Variants in PPP2R2C observed in about 807,000 individuals in gnomAD.
PPP2R2C encodes protein phosphatase 2, regulatory subunit B, gamma.
Under a neutral mutation model 45.3 loss-of-function variants are expected in PPP2R2C, and 10 were observed. The ratio of observed to expected loss-of-function variants is 0.22; its 90% confidence interval spans 0.14 to 0.37. The LOEUF is 0.37. PPP2R2C is among the 10% of genes least tolerant of loss of function. PPP2R2C has a pLI of 1.00. For missense variants in PPP2R2C, 308 were observed against 619.7 expected (o/e 0.50, Z 5.34); for synonymous variants, 257 against 245.4 (o/e 1.05, Z -0.44).
rs187965056 is a variant in PPP2R2C at position 6,542,574 on chromosome 4, G to A, written c.-58-7197C>T. Among the ~76,000 whole-genome samples the A allele has an allele frequency of 8.1e-3, 1,227 of 151,894 alleles. 12 individuals carry two copies. The highest frequency in any genetic ancestry group is 0.013 in the Non-Finnish European group (868 of 67,940). ...GCCAGGCATGGTGGCATGGTGGCAG[G>A]CACCTGTAATCCCAGATACTAGGGA... On this transcript the variant is annotated intron_variant, in intron 1 of 9. Transcript: ENST00000506140.
At chr4:6,475,488 C>A (rs544768125), upstream of PPP2R2C, among the ~76,000 whole-genome samples, 1 of 152,306 alleles carries the variant, frequency 6.6e-6, no homozygotes, top group South Asian at 2.1e-4. Context: ...TCACTCACTG[C>A]CGTGCCCTCC....
At chr4:6,448,038 G>A (rs1412414028) in intron 1 of PPP2R2C, among the ~76,000 whole-genome samples, 1 of 152,112 alleles carries the variant, frequency 6.6e-6, no homozygotes, top group East Asian at 1.9e-4. Context: ...CACCCCCGTG[G>A]GAGCCGCACT....
chr4:6,391,069 G>A (rs1205259229), intron 1 of PPP2R2C, among the ~76,000 whole-genome samples: 2 of 152,140 alleles, frequency 1.3e-5, no homozygotes, highest in Non-Finnish European at 2.9e-5. Context: ...TGAAGGGGCT[G>A]GTGGGAGTAT....
intron 1 of PPP2R2C, among the ~76,000 whole-genome samples, chr4:6,408,139 AGGATGCTGGAAATTATT>A (rs1418467609): frequency 6.6e-6 from 1 of 152,194 alleles, no homozygotes; most frequent in Admixed American, 6.5e-5. Flanking sequence ...ACTAACTTAG[AGGATGCTGGAAATTATT>A]GGGAATTTAA....
intron 1 of PPP2R2C, among the ~76,000 whole-genome samples, chr4:6,433,351 A>C (rs1445528905): frequency 2.6e-5 from 4 of 152,164 alleles, no homozygotes; most frequent in African/African-American, 4.8e-5. Context: ...TTGCTTTCAT[A>C]TCCATTTCCA....
At position 6,352,238 on chromosome 4, in the gene PPP2R2C, C is replaced by G. The variant is rs1003250157; in HGVS notation, c.626-4228G>C. ...GTCTGGTCTTGGCTGTCACTCGGGG[C>G]CCCCGGCTGGGCGTCTGGTCTTGGC... On this transcript the variant is annotated intron_variant, in intron 5 of 8. Transcript: ENST00000382599. Among the ~76,000 whole-genome samples, 3 of 152,036 alleles carry G rather than the reference C, an allele frequency of 2.0e-5. 1 individual carries two copies. The highest frequency in any genetic ancestry group is 4.4e-5 in the Non-Finnish European group (3 of 68,000).
At chr4:6,512,395 G>A (rs1228054295) in intron 2 of PPP2R2C, among the ~76,000 whole-genome samples, 4 of 110,182 alleles carry the variant, frequency 3.6e-5, no homozygotes, top group Non-Finnish European at 4.1e-5. Context: ...GGTGATGGTG[G>A]TGGTGGTGAT....
At chr4:6,426,305 G>A (rs746814355) in intron 1 of PPP2R2C, among the ~76,000 whole-genome samples, 9 of 152,172 alleles carry the variant, frequency 5.9e-5, no homozygotes, top group South Asian at 2.1e-4. Context: ...TCCCTTCTAC[G>A]ATCAGCTGCT....
chr4:6,562,470 G>GC (rs756736246), intron 1 of PPP2R2C, among the ~76,000 whole-genome samples: 1 of 41,946 alleles, frequency 2.4e-5, no homozygotes, highest in Non-Finnish European at 8.5e-5. Flanking sequence ...AACGGAGTCG[G>GC]GGGGGGGGGT....
chr4:6,411,587 C>G (rs1577159733), intron 1 of PPP2R2C, among the ~76,000 whole-genome samples: 1 of 137,880 alleles, frequency 7.3e-6, no homozygotes, highest in Non-Finnish European at 1.5e-5. Flanking sequence ...GAGTCTTGCT[C>G]TATGGCCCAG....
intron 2 of PPP2R2C, among the ~76,000 whole-genome samples, chr4:6,530,722 C>G (rs1188202430): frequency 6.6e-6 from 1 of 152,226 alleles, no homozygotes; most frequent in African/African-American, 2.4e-5. Context: ...CATCCCCTAC[C>G]TCCTAGGCAA....
intron 1 of PPP2R2C, among the ~76,000 whole-genome samples, chr4:6,554,388 T>A (rs868134070): frequency 9.9e-5 from 15 of 152,102 alleles, no homozygotes; most frequent in Admixed American, 2.0e-4. Context: ...CTCTAATTCC[T>A]CCATAGAAAC....
chr4:6,406,590 GA>G (rs11323274), intron 1 of PPP2R2C, among the ~76,000 whole-genome samples: 40,622 of 133,102 alleles, frequency 0.31, 5,912 homozygotes, highest in East Asian at 0.73. Context: ...CTCTACTAAA[GA>G]AAAAGCCAAA....
intron 2 of PPP2R2C, among the ~76,000 whole-genome samples, chr4:6,493,224 A>G (rs1298035061): frequency 6.6e-6 from 1 of 151,822 alleles, no homozygotes; most frequent in Non-Finnish European, 1.5e-5. Context: ...CCCACACACA[A>G]GCACACACGC....
intron 1 of PPP2R2C, among the ~76,000 whole-genome samples, chr4:6,560,202 G>A (rs1725531577): frequency 6.6e-6 from 1 of 152,238 alleles, no homozygotes; most frequent in African/African-American, 2.4e-5. Flanking sequence ...CCTCCTGGAG[G>A]AGGGCAAGCA....
At chr4:6,406,103 A>T (rs1717779289) in intron 1 of PPP2R2C, among the ~76,000 whole-genome samples, 2 of 152,200 alleles carry the variant, frequency 1.3e-5, no homozygotes, top group Admixed American at 6.5e-5. Flanking sequence ...TATTCGGAGC[A>T]CGTTACAAGA....
chr4:6,534,075 A>G (rs1724498338), intron 2 of PPP2R2C, among the ~76,000 whole-genome samples: 1 of 150,752 alleles, frequency 6.6e-6, no homozygotes, highest in Admixed American at 6.6e-5. Flanking sequence ...CACACACACC[A>G]ACATACACAT....
At chr4:6,527,549 C>CACCATGAGAACACAGCCCCACTCCTCAAT (rs1486646749) in intron 2 of PPP2R2C, among the ~76,000 whole-genome samples, 12 of 152,234 alleles carry the variant, frequency 7.9e-5, no homozygotes, top group African/African-American at 2.9e-4. Flanking sequence ...CACTCCTCAA[C>CACCATGAGAACACAGCCCCACTCCTCAAT]AGCTTGCCAG....
chr4:6,338,884 G>C (rs1180070480), intron 6 of PPP2R2C, among the ~76,000 whole-genome samples: 5 of 152,168 alleles, frequency 3.3e-5, no homozygotes, highest in African/African-American at 4.8e-5. Flanking sequence ...GCAAGGGCCT[G>C]GTCCTCTCTG....
Sources: allele counts gnomAD v4.1 joint callset (sites outside exome capture counted in the v4.1 genomes callset), GRCh38; gene constraint gnomAD v4.1.1; transcripts MANE v1.5; gene names NCBI Gene and HGNC (gene_info 2026-07-23, HGNC 2026-07-21).